FASN: variants seen among roughly 807,000 people sequenced by gnomAD.
The protein encoded by FASN is fatty acid synthase, also known as 3-hydroxyacyl-[acyl-carrier-protein] dehydratase.
FASN carries 50 observed loss-of-function variants against 250.0 expected under a neutral mutation model. That is an observed-to-expected ratio of 0.20 (90% CI 0.16 to 0.25). The LOEUF is 0.25. Among genes scored for constraint, FASN ranks in the 10% least tolerant of loss-of-function variants. The pLI, the probability that FASN is intolerant of heterozygous loss-of-function variation, is 1.00. For missense variants in FASN, 3,031 were observed against 3,498.5 expected (o/e 0.87, Z 3.37); for synonymous variants, 1,909 against 1,584.0 (o/e 1.21, Z -4.87).
rs758457371 is a variant in FASN at position 82,091,433 on chromosome 17, G to A, written c.1281C>T (p.Ser427=). 45 of 1,607,566 alleles carry A rather than the reference G, an allele frequency of 2.8e-5. No homozygotes were observed. Among genetic ancestry groups the A allele is most frequent in the Middle Eastern group, 1.6e-4 (1 of 6,070 alleles). The change falls in exon 9 of 43, where the codon AGC becomes AGT. Residue 427 remains serine, a synonymous_variant. Coordinates refer to ENST00000306749, the MANE Select transcript of FASN (RefSeq NM_004104.5). ...HATLPRLLRA[S]GRTPEAVQKL... ...TCTGCACGGCCTCAGGGGTGCGTCC[G>A]CTGGCCCGCAGCAGACGGGGCAGGG...
chr17:82,089,995 G>A (rs374333392), intron 11 of FASN, among the ~76,000 whole-genome samples: 17 of 152,334 alleles, frequency 1.1e-4, no homozygotes, highest in African/African-American at 4.1e-4. Flanking sequence ...TTCTTTCCAG[G>A]TCCTGCCCAC....
chr17:82,089,160 G>T lies in FASN; in HGVS notation c.2113C>A (p.Pro705Thr). 1 of 1,575,320 alleles carries T rather than the reference G, an allele frequency of 6.3e-7. No homozygotes were observed. Among genetic ancestry groups the T allele is most frequent in the South Asian group, 1.1e-5 (1 of 87,144 alleles). Residue 705 changes from proline to threonine, a missense_variant, in exon 14 of 43, where the codon CCG becomes ACG. Physicochemically the swap from Pro to Thr is conservative, Grantham distance 38. Coordinates refer to ENST00000306749, the MANE Select transcript of FASN (RefSeq NM_004104.5). ...LQELKKVIRE[P>T]KPRSARWLST... ...AGCCAGCGGGCTGAACGTGGCTTCG[G>T]CTCCCGGATCACCTGCATGAGGGGC... is the stretch of plus-strand genomic sequence containing the variant.
chr17:82,080,751 A>G lies in FASN; in HGVS notation c.6767T>C (p.Val2256Ala). Residue 2256 changes from valine (V) to alanine (A), a missense_variant, in exon 39 of 43, where the codon GTG becomes GCG. Val to Ala is a moderately conservative substitution (Grantham distance 64). Coordinates refer to ENST00000306749, the MANE Select transcript of FASN (RefSeq NM_004104.5). ...LVHPIEGSTT[V>A]FHSLASRLSI... ...GAGCCGGGAGGCCAGGCTGTGGAAC[A>G]CGGTGGTGGAGCCCTCGATTGGGTG... 1 of 1,604,078 alleles carries G rather than the reference A, an allele frequency of 6.2e-7. No homozygotes were observed. Among genetic ancestry groups the G allele is most frequent in the East Asian group, 2.2e-5 (1 of 44,490 alleles).
Position 82,084,530 on chromosome 17 carries a change from G to A in FASN, c.4751C>T (p.Ser1584Phe), listed in dbSNP as rs955022144. 3 of 1,610,362 alleles carry A rather than the reference G, an allele frequency of 1.9e-6. No homozygotes were observed. Among genetic ancestry groups the A allele is most frequent in the South Asian group, 2.2e-5 (2 of 90,508 alleles). Residue 1584 changes from serine to phenylalanine, a missense_variant, in exon 27 of 43, where the codon TCC becomes TTC. Transcript: ENST00000306749. ...RDIMLATGKL[S>F]PDAIPGKWTS... is the part of the protein sequence containing the mutation. ...ACCCATACCTGGGATGGCATCAGGG[G>A]ACAGCTTGCCAGTGGCCAGCATGAT...
chr17:82,096,424 C>T lies in FASN; in HGVS notation c.22G>A (p.Gly8Ser), dbSNP rs1243336887. Residue 8 changes from glycine to serine, a missense_variant, in exon 2 of 43, where the codon GGC (glycine) becomes AGC (serine). By Grantham distance (56) the Gly-to-Ser change is moderately conservative. Transcript: ENST00000306749. MEEVVIA[G>S]MSGKLPESEN... The stretch of plus-strand genomic sequence containing the variant: ...GACTCTGGCAGCTTCCCGGACATGC[C>T]GGCAATCACCACCTCCTCCATGGCT... 2 of 1,612,530 alleles carry T rather than the reference C, an allele frequency of 1.2e-6. No individual in the cohort carries two copies. Among genetic ancestry groups the T allele is most frequent in the Non-Finnish European group, 1.7e-6 (2 of 1,179,986 alleles).
chr17:82,084,156 G>A lies in FASN; in HGVS notation c.4920-3C>T, dbSNP rs1426690101. The A allele has an allele frequency of 2.5e-6, 4 of 1,601,802 alleles. No homozygotes were observed. In the Admixed American group the frequency reaches 5.1e-5, roughly 21 times the overall value. ...CCGAGGCCGCCTCCTCCAGCGTCCT[G>A]GGGATGCAGCAGGTGGGTCAGCACA... On this transcript the variant is annotated splice_polypyrimidine_tract_variant and splice_region_variant and intron_variant, in intron 28 of 42. Transcript: ENST00000306749.
intron 8 of FASN, 132 bp downstream of exon 8, chr17:82,092,323 G>C: frequency 2.1e-6 from 2 of 970,828 alleles, no homozygotes; most frequent in South Asian, 1.5e-5. Context: ...AGCATAGCCC[G>C]GGGGACAGAG....
chr17:82,084,577 G>A lies in FASN; in HGVS notation c.4704C>T (p.Tyr1568=), dbSNP rs754706601. The A allele has an allele frequency of 1.1e-5, 18 of 1,611,168 alleles. No individual in the cohort carries two copies. The highest frequency in any genetic ancestry group is 4.5e-5 in the East Asian group (2 of 44,850). The change falls in exon 27 of 43, where the codon TAC becomes TAT. Residue 1568 remains tyrosine (Y), a synonymous_variant. Transcript: ENST00000306749. The part of the protein sequence containing the change: ...CPGAQLCTVY[Y]ASLNFRDIML... ...TGATGTCGCGGAAGTTGAGGGAGGC[G>A]TAGTAGACCGTGCAGAGCTGGGCGC...
intron 2 of FASN, 73 bp downstream of exon 2, chr17:82,096,246 G>A (rs1414697362): frequency 4.7e-5 from 74 of 1,589,534 alleles, no homozygotes; most frequent in Non-Finnish European, 6.2e-5. Flanking sequence ...AGCACAGCAG[G>A]GAGGCTGCTG....
chr17:82,079,718 C>G (rs1378041517), intron 41 of FASN, 110 bp from the exon 42 acceptor site: 1 of 1,432,224 alleles, frequency 7.0e-7, no homozygotes, highest in Non-Finnish European at 9.2e-7. Context: ...ATTTTTGTTA[C>G]CCAGGCTAGA....
In FASN at chr17:82,092,979, C is replaced by G; in HGVS notation, c.696G>C (p.Leu232=). 1 of 1,612,194 alleles carries G rather than the reference C, an allele frequency of 6.2e-7. No homozygotes were observed. The highest frequency in any genetic ancestry group is 2.2e-5 in the East Asian group (1 of 44,868). ...YCRSEGVVAV[L]LTKKSLARRV... is the part of the protein sequence containing the mutation. ...GCCGGGCCAGGGACTTCTTGGTCAG[C>G]AGGACGGCCACCACACCCTCCGAGC... The change falls in exon 6 of 43, where the codon CTG becomes CTC. Residue 232 remains leucine, a synonymous_variant. Transcript: ENST00000306749.
At position 82,081,289 on chromosome 17, in the gene FASN, A is replaced by C; in HGVS notation, c.6470T>G (p.Leu2157Arg). 6.4e-7 allele frequency: 1 copy of C among 1,561,396 alleles called. No homozygotes were observed. The highest frequency in any genetic ancestry group is 8.7e-7 in the Non-Finnish European group (1 of 1,152,882). The change falls in exon 38 of 43, where the codon CTC becomes CGC. Residue 2157 changes from leucine (L) to arginine (R), a missense_variant. By Grantham distance (102) the Leu-to-Arg change is moderately radical (BLOSUM62 -2). Transcript: ENST00000306749. The stretch of plus-strand genomic sequence containing the variant: ...CGTCTGGCGCACCTCCACGCTCATG[A>C]GCGAGTCCAGGCCCAGGTCCGCCAG... The part of the protein sequence containing the change: ...SSLADLGLDS[L>R]MSVEVRQTLE...
Position 82,079,234 on chromosome 17 carries a change from C to A in FASN, c.7445G>T (p.Arg2482Leu). The A allele has an allele frequency of 6.2e-7, 1 of 1,612,998 alleles. No individual in the cohort carries two copies. The highest frequency in any genetic ancestry group is 8.5e-7 in the Non-Finnish European group (1 of 1,179,964). ...VSVHVIEGDH[R>L]TLLEGSGLES... is the part of the protein sequence containing the mutation. ...CAGGCCGCTGCCCTCCAGCAGCGTGCGGTGGTCACCCTCGATGACGTGGAC... is the reference window on the plus strand; with the variant it reads ...CAGGCCGCTGCCCTCCAGCAGCGTGAGGTGGTCACCCTCGATGACGTGGAC... The change falls in exon 43 of 43, where the codon CGC (arginine) becomes CTC (leucine). Residue 2482 changes from arginine to leucine, a missense_variant. Arg to Leu is a moderately radical substitution (Grantham distance 102). Transcript: ENST00000306749.
intron 41 of FASN, 54 bp downstream of exon 41, chr17:82,080,086 C>T: frequency 6.4e-7 from 1 of 1,560,974 alleles, no homozygotes; most frequent in South Asian, 1.1e-5. Context: ...CTTCCCCCTT[C>T]CGTTCCTGCC....
At position 82,080,505 on chromosome 17, in the gene FASN, C is replaced by T. The variant is rs2033967634; in HGVS notation, c.6912G>A (p.Val2304=). The T allele has an allele frequency of 6.4e-7, 1 of 1,564,902 alleles. No individual in the cohort carries two copies. Among genetic ancestry groups the T allele is most frequent in the African/African-American group, 1.4e-5 (1 of 73,818 alleles). The part of the protein sequence containing the change: ...RQVQPEGPYR[V]AGYSYGACVA... Reference sequence around the variant, plus strand: ...CGCAGGCCCCGTAGGAGTAGCCGGCCACGCGGTAGGGGCCCTCGGGCTGCA... The same window carrying T: ...CGCAGGCCCCGTAGGAGTAGCCGGCTACGCGGTAGGGGCCCTCGGGCTGCA... The change falls in exon 40 of 43, where the codon GTG becomes GTA. Residue 2304 remains valine, a synonymous_variant. Coordinates refer to ENST00000306749, the MANE Select transcript of FASN (RefSeq NM_004104.5).
At chr17:82,094,348 C>T (rs892748895) in intron 3 of FASN, among the ~76,000 whole-genome samples, 2 of 151,802 alleles carry the variant, frequency 1.3e-5, no homozygotes, top group Non-Finnish European at 2.9e-5. Flanking sequence ...TTCCACCTCT[C>T]GGCCAGCAGG....
rs375736977 is a variant in FASN, at chr17:82,087,960, C to G, written c.2860G>C (p.Val954Leu). The G allele has an allele frequency of 1.3e-5, 21 of 1,612,768 alleles. No homozygotes were observed. The African/African-American group carries it at 2.3e-4, about 17-fold the overall frequency. Residue 954 changes from valine (V) to leucine (L), a missense_variant, in exon 18 of 43, where the codon GTG (valine) becomes CTG (leucine). Transcript: ENST00000306749. ...FEVSENGNLV[V>L]SGKVYQWDDP... is the part of the protein sequence containing the mutation. ...TGCCACCGGCCCTGCTTACCACTCA[C>G]TACCAGGTTGCCGTTCTCTGACACC...
In FASN at chr17:82,080,896, C is replaced by T. The variant is rs779316030; in HGVS notation, c.6622G>A (p.Asp2208Asn). Residue 2208 changes from aspartate (D) to asparagine (N), a missense_variant, in exon 39 of 43, where the codon GAT (aspartate) becomes AAT (asparagine). Asp to Asn is a conservative substitution (Grantham distance 23). Transcript: ENST00000306749. ...SELACPTPKE[D>N]GLAQQQTQLN... ...TGAGTCTGCTGCTGGGCCAGACCAT[C>T]CTCCTTGGGCGTGGGGCATGCCAGC... The T allele has an allele frequency of 1.2e-6, 2 of 1,610,312 alleles. No homozygotes were observed. Among genetic ancestry groups the T allele is most frequent in the Admixed American group, 3.4e-5 (2 of 59,682 alleles).
At chr17:82,085,893 A>G in intron 22 of FASN, 22 bp from the exon 23 acceptor site, 1 of 1,518,158 alleles carries the variant, frequency 6.6e-7, no homozygotes, top group South Asian at 1.2e-5. Flanking sequence ...GAATTCTGGA[A>G]TCAGCCCCAC....
Sources: gnomAD v4.1 joint callset for allele counts (sites outside exome capture counted in the v4.1 genomes callset) on GRCh38, gnomAD v4.1.1 for gene constraint, MANE v1.5 for transcripts, NCBI Gene and HGNC (gene_info 2026-07-23, HGNC 2026-07-21) for gene names.